AOAH: variants seen among roughly 807,000 people sequenced by gnomAD.
The protein encoded by AOAH is acyloxyacyl hydrolase (neutrophil).
AOAH carries 64 observed loss-of-function variants against 92.2 expected under a neutral mutation model. The ratio of observed to expected loss-of-function variants is 0.69; its 90% CI spans 0.57 to 0.86. The LOEUF is 0.86. AOAH is among the 40% of genes least tolerant of loss of function. The probability of loss-of-function intolerance (pLI) is 0.00; values close to 1 mark genes in which losing one functional copy is unlikely to be tolerated. For synonymous variants in AOAH, 263 were observed against 254.5 expected (o/e 1.03, Z -0.32); for missense variants, 656 against 694.6 (o/e 0.94, Z 0.62).
intron 12 of AOAH, among the ~76,000 whole-genome samples, chr7:36,581,475 C>T (rs1583869277): frequency 6.6e-6 from 1 of 152,286 alleles, no homozygotes; most frequent in South Asian, 2.1e-4. Context: ...GTCACTTATG[C>T]CCTCTGCCTT....
chr7:36,711,973 G>A (rs2116970723), intron 1 of AOAH, among the ~76,000 whole-genome samples: 1 of 152,296 alleles, frequency 6.6e-6, no homozygotes, highest in African/African-American at 2.4e-5. Context: ...AAGAGGAAAA[G>A]CTAGTTACCA....
intron 18 of AOAH, among the ~76,000 whole-genome samples, chr7:36,531,740 A>AAGGTTCTT (rs2116003792): frequency 6.6e-6 from 1 of 152,294 alleles, no homozygotes; most frequent in South Asian, 2.1e-4. Flanking sequence ...AGAAGGGAGG[A>AAGGTTCTT]AGGTTCTTAT....
intron 1 of AOAH, among the ~76,000 whole-genome samples, chr7:36,694,426 A>C (rs1202025800): frequency 1.3e-5 from 2 of 151,420 alleles, no homozygotes. Flanking sequence ...TGAACCTGGG[A>C]GGTGGAGGTT....
intron 1 of AOAH, among the ~76,000 whole-genome samples, chr7:36,699,336 T>C (rs1166961578): frequency 6.6e-6 from 1 of 152,120 alleles, no homozygotes; most frequent in Non-Finnish European, 1.5e-5. Flanking sequence ...GTGGAATTGA[T>C]GGATCGTATG....
At chr7:36,571,509 A>G (rs1265881618) in intron 13 of AOAH, among the ~76,000 whole-genome samples, 2 of 151,840 alleles carry the variant, frequency 1.3e-5, no homozygotes. Flanking sequence ...GTTAATTCCT[A>G]TCCTTATCCC....
At chr7:36,576,874 T>C (rs1485431476) in intron 12 of AOAH, among the ~76,000 whole-genome samples, 6 of 152,188 alleles carry the variant, frequency 3.9e-5, no homozygotes, top group African/African-American at 9.7e-5. Flanking sequence ...GTCGTAAGAA[T>C]ACTGTTGAAG....
At chr7:36,698,791 TC>T (rs1395121852) in intron 1 of AOAH, among the ~76,000 whole-genome samples, 2 of 152,168 alleles carry the variant, frequency 1.3e-5, no homozygotes, top group Non-Finnish European at 2.9e-5. Flanking sequence ...TAAAAATTTG[TC>T]ATTTATTTGT....
intron 4 of AOAH, among the ~76,000 whole-genome samples, chr7:36,653,510 G>A (rs926301803): frequency 3.3e-5 from 5 of 152,144 alleles, no homozygotes; most frequent in Admixed American, 2.0e-4. Context: ...TGGATTCCAG[G>A]GAAATATGAT....
At chr7:36,658,138 C>G (rs11982513) in intron 4 of AOAH, among the ~76,000 whole-genome samples, 3,232 of 152,112 alleles carry the variant, frequency 0.021, 128 homozygotes, top group African/African-American at 0.074. Context: ...AAATTTAATT[C>G]GCACTTAGTC....
chr7:36,597,643 C>CT (rs1380987860), intron 11 of AOAH, among the ~76,000 whole-genome samples: 7 of 152,216 alleles, frequency 4.6e-5, no homozygotes, highest in African/African-American at 1.7e-4. Flanking sequence ...ACCTTTTTCT[C>CT]TGTCATCCGT....
intron 19 of AOAH, 24 bp from the exon 20 acceptor site, chr7:36,522,139 T>A (rs1461836046): frequency 6.2e-7 from 1 of 1,610,540 alleles, no homozygotes; most frequent in African/African-American, 1.3e-5. Flanking sequence ...AACGAGAGGG[T>A]TACAGACACA....
chr7:36,613,806 A>G (rs1791658111), intron 11 of AOAH, among the ~76,000 whole-genome samples: 1 of 152,202 alleles, frequency 6.6e-6, no homozygotes, highest in South Asian at 2.1e-4. Context: ...GAGAACCTGA[A>G]GTTAACATTT....
intron 4 of AOAH, among the ~76,000 whole-genome samples, chr7:36,650,814 C>A (rs181619917): frequency 3.3e-5 from 5 of 152,188 alleles, no homozygotes; most frequent in Admixed American, 3.3e-4. Flanking sequence ...CTATGCCAGT[C>A]CAGGAATAAG....
chr7:36,623,131 AAATGTGTAGGAAGC>A, intron 7 of AOAH, 45 bp downstream of exon 7: 2 of 1,392,500 alleles, frequency 1.4e-6, no homozygotes, highest in Non-Finnish European at 2.0e-6. Flanking sequence ...TAAAGGAAAG[AAATGTGTAGGAAGC>A]AATGTGATGT....
At chr7:36,679,327 G>A (rs960932879) in intron 2 of AOAH, among the ~76,000 whole-genome samples, 2 of 150,096 alleles carry the variant, frequency 1.3e-5, no homozygotes, top group Admixed American at 6.6e-5. Context: ...AAGTATTGAG[G>A]CCTCAAAAAA....
At chr7:36,606,227 T>A (rs1157967591) in intron 11 of AOAH, among the ~76,000 whole-genome samples, 1 of 151,956 alleles carries the variant, frequency 6.6e-6, no homozygotes, top group African/African-American at 2.4e-5. Flanking sequence ...GGCGGGTGAG[T>A]GAGCGTAGGG....
intron 13 of AOAH, among the ~76,000 whole-genome samples, chr7:36,576,168 C>T (rs541151636): frequency 3.9e-5 from 6 of 152,204 alleles, no homozygotes; most frequent in Admixed American, 1.3e-4. Context: ...AAACTGAAAA[C>T]TCCAACCCCA....
At chr7:36,720,432 A>G (rs1321225187) in intron 1 of AOAH, among the ~76,000 whole-genome samples, 1 of 152,094 alleles carries the variant, frequency 6.6e-6, no homozygotes, top group East Asian at 1.9e-4. Flanking sequence ...CAGCATCCCA[A>G]AGTGCTGGGA....
At chr7:36,629,946 G>C (rs564408713) in intron 6 of AOAH, among the ~76,000 whole-genome samples, 2 of 152,328 alleles carry the variant, frequency 1.3e-5, no homozygotes, top group East Asian at 3.9e-4. Context: ...ATCAAATCAA[G>C]TTAAGATGAG....
Sources: gnomAD v4.1 joint callset for allele counts (sites outside exome capture counted in the v4.1 genomes callset) on GRCh38, gnomAD v4.1.1 for gene constraint, MANE v1.5 for transcripts, NCBI Gene and HGNC (gene_info 2026-07-23, HGNC 2026-07-21) for gene names.